The following DCT variants were observed in gnomAD, a reference collection of about 807,000 sequenced individuals.
The protein encoded by DCT is dopachrome tautomerase.
DCT carries 47 observed loss-of-function variants against 53.0 expected under a neutral mutation model. The ratio of observed to expected loss-of-function variants is 0.89; its 90% CI spans 0.70 to 1.13. DCT has a LOEUF of 1.13. Ranked by LOEUF, DCT falls within the 50% of genes most tolerant of loss-of-function variation. DCT has a pLI of 0.00. For synonymous variants in DCT, 244 were observed against 237.0 expected (o/e 1.03, Z -0.27); for missense variants, 669 against 637.4 (o/e 1.05, Z -0.53).
the DCT span, among the ~76,000 whole-genome samples, chr13:94,515,749 C>G: frequency 6.6e-6 from 1 of 152,176 alleles, no homozygotes; most frequent in Non-Finnish European, 1.5e-5. Context: ...CTCCAAGAAG[C>G]CACTGCAGCT....
chr13:94,538,577 C>T, the DCT span, among the ~76,000 whole-genome samples: 2 of 152,138 alleles, frequency 1.3e-5, no homozygotes, highest in African/African-American at 4.8e-5. Context: ...GTGCATTATC[C>T]GTCTTTGCTA....
the DCT span, among the ~76,000 whole-genome samples, chr13:94,490,797 G>T: frequency 1.3e-5 from 2 of 152,168 alleles, no homozygotes; most frequent in Admixed American, 1.3e-4. Context: ...TAAGAAGGAA[G>T]ACACACTGAA....
chr13:94,501,175 A>T, the DCT span, among the ~76,000 whole-genome samples: 1 of 152,160 alleles, frequency 6.6e-6, no homozygotes, highest in African/African-American at 2.4e-5. Context: ...AGGCTGAGGC[A>T]GGAGAATGGC....
At chr13:94,483,568 T>C (rs532822518), upstream of DCT, among the ~76,000 whole-genome samples, 2 of 152,184 alleles carry the variant, frequency 1.3e-5, no homozygotes, top group Admixed American at 1.3e-4. Flanking sequence ...AGTGGTGCAA[T>C]CTTGGCTCAC....
At chr13:94,465,975 TATATA>T (rs1465080729) in intron 3 of DCT, among the ~76,000 whole-genome samples, 176 bp from the exon 4 acceptor site, 1 of 6,170 alleles carries the variant, frequency 1.6e-4, no homozygotes, top group East Asian at 2.4e-3. Context: ...ATTTTATATA[TATATA>T]TATATATATA....
intron 6 of DCT, among the ~76,000 whole-genome samples, chr13:94,457,720 C>G (rs1235208276): frequency 6.6e-6 from 1 of 152,152 alleles, no homozygotes; most frequent in African/African-American, 2.4e-5. Context: ...ACTATCTATT[C>G]AAGACATACA....
intron 6 of DCT, among the ~76,000 whole-genome samples, chr13:94,455,118 T>C (rs930718748): frequency 1.3e-5 from 2 of 152,188 alleles, no homozygotes; most frequent in African/African-American, 4.8e-5. Flanking sequence ...CCAGATATGG[T>C]GACTCACCCA....
Position 94,479,638 on chromosome 13 carries a change from T to G in DCT, c.-383A>C. On this transcript the variant is annotated 5_prime_UTR_variant, in exon 1 of 8. Transcript: ENST00000377028. ...ATTATGCTGGTATTTCTAAACCCTC[T>G]CCCTCCCTCCTTAGCTCTTGACTTT... is the stretch of plus-strand genomic sequence containing the variant. 5.9e-6 allele frequency: 1 copy of G among 168,436 alleles called. No homozygotes were observed. The highest frequency in any genetic ancestry group is 5.7e-5 in the Admixed American group (1 of 17,456). The allele number at this position is 168,436 out of a possible 1,614,324, so 10.4% of individuals were successfully genotyped here.
At chr13:94,493,281 C>G in the DCT span, among the ~76,000 whole-genome samples, 6 of 152,030 alleles carry the variant, frequency 3.9e-5, no homozygotes, top group East Asian at 1.9e-4. Context: ...GCCTGCCCCC[C>G]ACGACTTATG....
chr13:94,545,982 A>G, the DCT span, among the ~76,000 whole-genome samples: 2 of 151,912 alleles, frequency 1.3e-5, no homozygotes, highest in East Asian at 3.9e-4. Flanking sequence ...CCAGGCCTCA[A>G]CCCCCTCAGA....
At chr13:94,460,762 A>AAAAAAAG (rs1230818417) in intron 5 of DCT, among the ~76,000 whole-genome samples, 1 of 152,090 alleles carries the variant, frequency 6.6e-6, no homozygotes, top group Non-Finnish European at 1.5e-5. Flanking sequence ...CCTGGCTCTA[A>AAAAAAAG]AAAAAAGAAA....
chr13:94,506,863 A>G, the DCT span, among the ~76,000 whole-genome samples: 1 of 152,238 alleles, frequency 6.6e-6, no homozygotes, highest in Non-Finnish European at 1.5e-5. Context: ...AGGGCACAGC[A>G]TCACTTTGGC....
At chr13:94,474,474 A>G (rs759994545) in intron 1 of DCT, among the ~76,000 whole-genome samples, 3 of 152,226 alleles carry the variant, frequency 2.0e-5, no homozygotes, top group Non-Finnish European at 4.4e-5. Context: ...AATCAAAAGG[A>G]TTTTACAAGT....
the DCT span, among the ~76,000 whole-genome samples, chr13:94,536,351 T>C: frequency 3.0e-3 from 464 of 152,246 alleles, 2 homozygotes; most frequent in African/African-American, 0.011. Context: ...CTCCCAAACA[T>C]GCCTGCTAAA....
At chr13:94,491,933 C>T in the DCT span, among the ~76,000 whole-genome samples, 1 of 152,178 alleles carries the variant, frequency 6.6e-6, no homozygotes, top group Admixed American at 6.5e-5. Flanking sequence ...TAGACCAATA[C>T]TCTCAAGTGA....
chr13:94,509,386 T>C, the DCT span, among the ~76,000 whole-genome samples: 1 of 152,010 alleles, frequency 6.6e-6, no homozygotes, highest in Admixed American at 6.6e-5. Context: ...TCTTTTCTCC[T>C]GGGAAGTACT....
At chr13:94,443,719 G>T in intron 6 of DCT, 82 bp from the exon 7 acceptor site, 1 of 1,128,360 alleles carries the variant, frequency 8.9e-7, no homozygotes, top group Non-Finnish European at 1.3e-6. Flanking sequence ...TCTCTAAAGT[G>T]GAATAACTTC....
intron 1 of DCT, among the ~76,000 whole-genome samples, chr13:94,478,446 C>T (rs929797887): frequency 5.9e-5 from 9 of 152,034 alleles, no homozygotes; most frequent in African/African-American, 2.2e-4. Flanking sequence ...CATTGCACTC[C>T]AGCCACGGTG....
intron 2 of DCT, 189 bp from the exon 3 acceptor site, chr13:94,466,847 T>A (rs149481979): frequency 5.4e-6 from 2 of 371,718 alleles, no homozygotes; most frequent in African/African-American, 4.2e-5. Flanking sequence ...TAACTAGTAC[T>A]TTTAGGATAA....
Sources: allele counts gnomAD v4.1 joint callset (sites outside exome capture counted in the v4.1 genomes callset), GRCh38; gene constraint gnomAD v4.1.1; transcripts MANE v1.5; gene names NCBI Gene and HGNC (gene_info 2026-07-23, HGNC 2026-07-21).